SIGLEC12: variants seen among roughly 807,000 people sequenced by gnomAD.
SIGLEC12 encodes sialic acid-binding Ig-like lectin 12.
SIGLEC12 carries 43 observed loss-of-function variants against 54.1 expected under a neutral mutation model. The observed-to-expected ratio is 0.80, with a 90% CI of 0.62 to 1.03. The LOEUF (loss-of-function observed/expected upper bound fraction) is 1.03, where lower values mean the gene tolerates loss of function less well. Ranked by LOEUF, SIGLEC12 falls within the 50% of genes least tolerant of loss-of-function variation. The probability of loss-of-function intolerance (pLI) is 0.00; values close to 1 mark genes in which losing one functional copy is unlikely to be tolerated. For synonymous variants in SIGLEC12, 357 were observed against 307.6 expected (o/e 1.16, Z -1.68); for missense variants, 802 against 735.2 (o/e 1.09, Z -1.05).
Position 51,496,987 on chromosome 19 carries a change from A to C in SIGLEC12, c.1503-11T>G, listed in dbSNP as rs1409563104. The C allele has an allele frequency of 2.5e-6, 4 of 1,612,828 alleles. No individual in the cohort carries two copies. The highest frequency in any genetic ancestry group is 3.4e-6 in the Non-Finnish European group (4 of 1,179,958). ...CTGCAGGACCTCACTCTGAGTGAAGAGACCAGAGAGCCTTTCAGTGTGGTC... is the reference window on the plus strand; with the variant it reads ...CTGCAGGACCTCACTCTGAGTGAAGCGACCAGAGAGCCTTTCAGTGTGGTC... On this transcript the variant is annotated splice_polypyrimidine_tract_variant and intron_variant, in intron 6 of 7. Coordinates refer to ENST00000291707, the MANE Select transcript of SIGLEC12 (RefSeq NM_053003.4).
Position 51,498,083 on chromosome 19 carries a change from C to T in SIGLEC12, c.1340G>A (p.Arg447Gln), listed in dbSNP as rs546280409. 26 of 1,614,240 alleles carry T rather than the reference C, an allele frequency of 1.6e-5. No homozygotes were observed. The highest frequency in any genetic ancestry group is 3.3e-5 in the South Asian group (3 of 91,084). ...HVKDEGEFTC[R>Q]AQNPLGSQHI... ...CTGGGAGCCTAGAGGGTTCTGAGCT[C>T]GGCAGGTGAATTCCCCTTCATCCTT... Residue 447 changes from arginine (R) to glutamine (Q), a missense_variant, in exon 5 of 8, where the codon CGA becomes CAA. Transcript: ENST00000291707.
chr19:51,495,294 TGGACGGAC>T lies in SIGLEC12; in HGVS notation c.1599+1578_1599+1585del, dbSNP rs1337738208. On this transcript the variant is annotated intron_variant, in intron 7 of 7. Coordinates refer to ENST00000291707, the MANE Select transcript of SIGLEC12 (RefSeq NM_053003.4). The stretch of plus-strand genomic sequence containing the variant: ...ATGGATGGATGGATGGATGGATGGA[TGGACGGAC>T]GGACGGGTGGGTGGATGGATGGATG... 2.1e-4 allele frequency among the ~76,000 whole-genome samples: 18 copies of T among 86,004 alleles called. 1 individual carries two copies. The highest frequency in any genetic ancestry group is 3.7e-4 in the African/African-American group (8 of 21,610). The allele number at this position is 86,004 out of a possible 152,430, so 56.4% of individuals were successfully genotyped here.
In SIGLEC12 at chr19:51,496,903, C is replaced by G; in HGVS notation, c.1576G>C (p.Ala526Pro). 7 of 1,614,002 alleles carry G rather than the reference C, an allele frequency of 4.3e-6. No homozygotes were observed. Among genetic ancestry groups the G allele is most frequent in the Non-Finnish European group, 5.9e-6 (7 of 1,179,984 alleles). Reference sequence around the variant, plus strand: ...ACCTGAGAGGCTGAGCCCCTGACAGCGTTTGCGTCCTCCATGCCTGTATCC... The same window carrying G: ...ACCTGAGAGGCTGAGCCCCTGACAGGGTTTGCGTCCTCCATGCCTGTATCC... ...VGDTGMEDAN[A>P]VRGSASQGPL... The change falls in exon 7 of 8, where the codon GCT (alanine) becomes CCT (proline). Residue 526 changes from alanine to proline, a missense_variant. By Grantham distance (27) the Ala-to-Pro change is conservative. Transcript: ENST00000291707.
intron 7 of SIGLEC12, among the ~76,000 whole-genome samples, chr19:51,492,799 C>T (rs79482553): frequency 0.019 from 2,914 of 152,316 alleles, 100 homozygotes; most frequent in African/African-American, 0.067. Context: ...AAGGAACTGG[C>T]CCTGCCTGCC....
At chr19:51,492,320 T>A (rs1990127053) in intron 7 of SIGLEC12, among the ~76,000 whole-genome samples, 1 of 152,156 alleles carries the variant, frequency 6.6e-6, no homozygotes, top group South Asian at 2.1e-4. Flanking sequence ...TGAATATCTA[T>A]GTGTGAATTA....
chr19:51,498,772 C>A (rs1990310791), intron 4 of SIGLEC12, among the ~76,000 whole-genome samples: 1 of 152,164 alleles, frequency 6.6e-6, no homozygotes, highest in African/African-American at 2.4e-5. Context: ...CTGGACAGAC[C>A]CTGGTCGATT....
At position 51,501,566 on chromosome 19, in the gene SIGLEC12, G is replaced by A. The variant is rs780128292; in HGVS notation, c.168C>T (p.Ser56=). 31 of 1,613,760 alleles carry A rather than the reference G, an allele frequency of 1.9e-5. No individual in the cohort carries two copies. The East Asian group carries it at 2.9e-4, about 15-fold the overall frequency. Residue 56 remains serine, a synonymous_variant, in exon 1 of 8, where the codon TCC becomes TCT. Coordinates refer to ENST00000291707, the MANE Select transcript of SIGLEC12 (RefSeq NM_053003.4). ...FSYPQNGWTA[S]DPVHGYWFRA... is the part of the protein sequence containing the mutation. ...GGAACCAGTAGCCATGAACTGGATC[G>A]GAGGCAGTCCAGCCATTTTGGGGGT...
rs553531376 is a variant in SIGLEC12, at chr19:51,495,067, A to C, written c.1599+1813T>G. On this transcript the variant is annotated intron_variant, in intron 7 of 7. Transcript: ENST00000291707. ...TTCTAGAGATCTAGCACAACCATAA[A>C]CTTAATAAAGTTGAGGTGGTAAATT... 7.9e-5 allele frequency among the ~76,000 whole-genome samples: 12 copies of C among 152,268 alleles called. No individual in the cohort carries two copies. In the South Asian group the frequency reaches 1.9e-3, roughly 24 times the overall value.
intron 1 of SIGLEC12, 28 bp from the exon 2 acceptor site, chr19:51,500,328 C>T: frequency 6.2e-7 from 1 of 1,614,086 alleles, no homozygotes. Flanking sequence ...TCAGCCCAGC[C>T]CCCACTGTCC....
Position 51,501,301 on chromosome 19 carries a change from C to T in SIGLEC12, c.427+6G>A, listed in dbSNP as rs1195678714. 9 of 1,613,602 alleles carry T rather than the reference C, an allele frequency of 5.6e-6. No individual in the cohort carries two copies. Among genetic ancestry groups the T allele is most frequent in the South Asian group, 1.1e-5 (1 of 91,066 alleles). ...CCTTTGGCCTCTCTTGGAGCCCGTG[C>T]CTTACCTGTCACATTCACAGAGAGC... On this transcript the variant is annotated splice_donor_region_variant and intron_variant, in intron 1 of 7. Transcript: ENST00000291707.
intron 7 of SIGLEC12, among the ~76,000 whole-genome samples, chr19:51,495,397 A>ACGGACGGG (rs1555776058): frequency 1.9e-5 from 1 of 51,854 alleles, no homozygotes; most frequent in South Asian, 8.3e-4. Flanking sequence ...GGATGGATGG[A>ACGGACGGG]TGGGTGGGTG....
intron 7 of SIGLEC12, 143 bp downstream of exon 7, chr19:51,496,737 G>C: frequency 2.4e-6 from 2 of 834,904 alleles, no homozygotes; most frequent in Non-Finnish European, 3.9e-6. Context: ...GGCAATGAAA[G>C]CTGTTCTTAG....
Position 51,499,146 on chromosome 19 carries a change from C to T in SIGLEC12, c.1135+24G>A, listed in dbSNP as rs761114032. On this transcript the variant is annotated intron_variant, in intron 4 of 7. Transcript: ENST00000291707. Reference sequence around the variant, plus strand: ...GAGTTGAAGGCTCTGCTCCTCCAGCCCCAGGGAGAGGACTCCATCTTACCT... The same window carrying T: ...GAGTTGAAGGCTCTGCTCCTCCAGCTCCAGGGAGAGGACTCCATCTTACCT... The T allele has an allele frequency of 1.2e-5, 19 of 1,613,418 alleles. No homozygotes were observed. In the South Asian group the frequency reaches 1.9e-4, roughly 16 times the overall value.
rs745770955 is a variant in SIGLEC12, at chr19:51,498,311, C to T, written c.1136-24G>A. 4 of 1,570,522 alleles carry T rather than the reference C, an allele frequency of 2.5e-6. No homozygotes were observed. The South Asian group carries it at 4.7e-5, about 18-fold the overall frequency. On this transcript the variant is annotated intron_variant, in intron 4 of 7. Transcript: ENST00000291707. The stretch of plus-strand genomic sequence containing the variant: ...TGCTGTAGAGAAAGAGACAGAAGGG[C>T]AGAGAGAGACAAAGTGATCGAGGCA...
At position 51,500,449 on chromosome 19, in the gene SIGLEC12, C is replaced by T. The variant is rs3810103; in HGVS notation, c.428-149G>A. The T allele has an allele frequency of 2.9e-4, 423 of 1,445,012 alleles. 4 individuals carry two copies. The East Asian group carries it at 0.01, about 35-fold the overall frequency. The allele number at this position is 1,445,012 out of a possible 1,614,324, so 89.5% of individuals were successfully genotyped here. A position where few individuals can be genotyped will look rare whatever the true frequency, so the allele number is the denominator to read the frequency against. ...GGAGAGGAGGGGCAGGGCTGTGGGA[C>T]CCACAGGGGGCTGGAGAGGAGCTGG... is the stretch of plus-strand genomic sequence containing the variant. On this transcript the variant is annotated intron_variant, in intron 1 of 7. Coordinates refer to ENST00000291707, the MANE Select transcript of SIGLEC12 (RefSeq NM_053003.4).
chr19:51,494,507 T>C (rs1408856870), intron 7 of SIGLEC12, among the ~76,000 whole-genome samples: 1 of 152,244 alleles, frequency 6.6e-6, no homozygotes, highest in African/African-American at 2.4e-5. Flanking sequence ...TTGTGTGACA[T>C]TTGTGGGAAT....
At chr19:51,498,847 G>GAA (rs2122219994) in intron 4 of SIGLEC12, among the ~76,000 whole-genome samples, 1 of 152,306 alleles carries the variant, frequency 6.6e-6, no homozygotes, top group South Asian at 2.1e-4. Flanking sequence ...GTATCCAAAA[G>GAA]AATATACCTC....
intron 7 of SIGLEC12, among the ~76,000 whole-genome samples, chr19:51,493,962 G>A (rs929265144): frequency 6.6e-6 from 1 of 152,206 alleles, no homozygotes; most frequent in African/African-American, 2.4e-5. Context: ...TTCACACACA[G>A]GCTCAACTTC....
At chr19:51,495,117 G>A (rs12463096) in intron 7 of SIGLEC12, among the ~76,000 whole-genome samples, 4,428 of 148,536 alleles carry the variant, frequency 0.03, 132 homozygotes, top group South Asian at 0.12. Context: ...ATTTTCCACC[G>A]TAGATGGCTG....
Sources: allele counts gnomAD v4.1 joint callset (sites outside exome capture counted in the v4.1 genomes callset), GRCh38; gene constraint gnomAD v4.1.1; transcripts MANE v1.5; gene names NCBI Gene and HGNC (gene_info 2026-07-23, HGNC 2026-07-21).